The following RGS3 variants were observed in gnomAD, a reference collection of about 807,000 sequenced individuals.
RGS3 encodes regulator of G-protein signalling 3.
RGS3 carries 80 observed loss-of-function variants against 132.6 expected under a neutral mutation model. The observed-to-expected ratio is 0.60, with a 90% CI of 0.50 to 0.73. The LOEUF (loss-of-function observed/expected upper bound fraction) is 0.73. RGS3 is among the 30% of genes least tolerant of loss of function. RGS3 has a pLI of 0.00. For synonymous variants in RGS3, 598 were observed against 620.6 expected (o/e 0.96, Z 0.54); for missense variants, 1,382 against 1,530.8 (o/e 0.90, Z 1.62).
At chr9:113,517,612 C>T in exon 16 of RGS3, 7 of 1,613,570 alleles carry the variant, frequency 4.3e-6, no homozygotes, top group Non-Finnish European at 5.9e-6. Flanking sequence ...AAGGGAGGAA[C>T]AAGGCTGCCG....
At chr9:113,500,575 G>A (rs1010160253) in intron 10 of RGS3, among the ~76,000 whole-genome samples, 4 of 152,098 alleles carry the variant, frequency 2.6e-5, no homozygotes, top group Admixed American at 1.3e-4. Flanking sequence ...AGATGAGGAC[G>A]CTGGGTTGTC....
At chr9:113,592,782 C>G (rs1166997572) in intron 21 of RGS3, 1 of 152,214 alleles carries the variant, frequency 6.6e-6, no homozygotes, top group Non-Finnish European at 1.5e-5. Flanking sequence ...GCCACCATGC[C>G]TGGCCTCTGA....
rs1042130028 is a variant in RGS3 at position 113,579,626 on chromosome 9, T to G, written c.2038-3824T>G. 6.6e-6 allele frequency among the ~76,000 whole-genome samples: 1 copy of G among 152,184 alleles called. No individual in the cohort carries two copies. The highest frequency in any genetic ancestry group is 1.5e-5 in the Non-Finnish European group (1 of 68,022). ...GCTGGATTCTTGTTACTTCAGCTGT[T>G]GCAACAGCTGTCTCACTGGGTCCCC... is the stretch of plus-strand genomic sequence containing the variant. On this transcript the variant is annotated intron_variant, in intron 19 of 24. Transcript: ENST00000350696. This position sits in a 1 kb window ranked among gnomAD's most constrained non-coding sequence, Gnocchi z 4.3.
chr9:113,575,684 C>G, intron 19 of RGS3, among the ~76,000 whole-genome samples: 1 of 152,192 alleles, frequency 6.6e-6, no homozygotes, highest in East Asian at 1.9e-4. Flanking sequence ...ACGTAACAGA[C>G]AGTCACCTTG....
chr9:113,596,980 C>A, exon 25 of RGS3: 1 of 1,570,206 alleles, frequency 6.4e-7, no homozygotes, highest in Admixed American at 1.8e-5. Context: ...GCTCAGCGTT[C>A]ACACCAGGCG....
At chr9:113,516,367 T>A (rs2119376525) in intron 15 of RGS3, among the ~76,000 whole-genome samples, 1 of 152,102 alleles carries the variant, frequency 6.6e-6, no homozygotes, top group Admixed American at 6.5e-5. Context: ...TTTTCTTTTT[T>A]TTTTTTTGAG....
At chr9:113,569,140 C>T (rs771721475) in intron 19 of RGS3, among the ~76,000 whole-genome samples, 5 of 152,190 alleles carry the variant, frequency 3.3e-5, no homozygotes, top group African/African-American at 1.2e-4. Flanking sequence ...GAACTGTCAG[C>T]GGCTCCCAAC....
At chr9:113,500,063 A>G (rs572693209) in intron 10 of RGS3, among the ~76,000 whole-genome samples, 2 of 152,022 alleles carry the variant, frequency 1.3e-5, no homozygotes, top group Admixed American at 6.5e-5. Context: ...GCTTCCTCCA[A>G]CATCACAGGT....
intron 19 of RGS3, among the ~76,000 whole-genome samples, chr9:113,539,317 C>T (rs1163536670): frequency 2.0e-5 from 3 of 152,132 alleles, no homozygotes; most frequent in Non-Finnish European, 2.9e-5. Flanking sequence ...CCTGCTGGAC[C>T]GATTTGCTCT....
intron 19 of RGS3, among the ~76,000 whole-genome samples, chr9:113,576,337 CTTTT>C (rs558156232): frequency 7.0e-6 from 1 of 142,404 alleles, no homozygotes; most frequent in Non-Finnish European, 1.5e-5. Context: ...ATTGTTCTTT[CTTTT>C]TTTTTTTTTG....
chr9:113,465,089 T>A (rs1044301820), intron 3 of RGS3, among the ~76,000 whole-genome samples: 1 of 152,070 alleles, frequency 6.6e-6, no homozygotes, highest in Non-Finnish European at 1.5e-5. Flanking sequence ...GTGTTTTACC[T>A]GCATTATCTC....
chr9:113,566,010 A>G (rs1833992586), intron 19 of RGS3, among the ~76,000 whole-genome samples: 1 of 151,942 alleles, frequency 6.6e-6, no homozygotes, highest in Non-Finnish European at 1.5e-5. Context: ...CTGGACAGCC[A>G]GCTTTTCTTT....
At chr9:113,460,039 CAA>C (rs879005762), upstream of RGS3, among the ~76,000 whole-genome samples, 29 of 112,112 alleles carry the variant, frequency 2.6e-4, no homozygotes, top group African/African-American at 2.3e-4. Context: ...GAAACTCTCT[CAA>C]AAAAAAAAAA....
chr9:113,562,202 C>A (rs577886812), intron 19 of RGS3, among the ~76,000 whole-genome samples: 24 of 152,252 alleles, frequency 1.6e-4, no homozygotes, highest in Non-Finnish European at 8.8e-5. Flanking sequence ...TGAGGCTGGG[C>A]ACGTGGCTCT....
chr9:113,455,752 C>T (rs1418072776), upstream of RGS3, among the ~76,000 whole-genome samples: 1 of 152,304 alleles, frequency 6.6e-6, no homozygotes, highest in East Asian at 1.9e-4. Flanking sequence ...AAAGATACCA[C>T]CTTGTTCTAC....
At chr9:113,536,516 C>G in intron 18 of RGS3, 1 of 1,185,232 alleles carries the variant, frequency 8.4e-7, no homozygotes, top group Non-Finnish European at 1.1e-6. Flanking sequence ...CGGCTCTGTC[C>G]TGCTCTCCAC....
At chr9:113,499,770 G>A (rs911539461) in intron 10 of RGS3, among the ~76,000 whole-genome samples, 3 of 152,232 alleles carry the variant, frequency 2.0e-5, no homozygotes, top group South Asian at 2.1e-4. Context: ...TTAGTGGCTA[G>A]TGTGACTGGG....
chr9:113,556,685 A>C (rs538225232), intron 19 of RGS3, among the ~76,000 whole-genome samples: 1 of 152,162 alleles, frequency 6.6e-6, no homozygotes, highest in South Asian at 2.1e-4. Flanking sequence ...AGCACTCTGT[A>C]GTGACAATGT....
intron 7 of RGS3, among the ~76,000 whole-genome samples, chr9:113,493,961 A>G (rs1185798676): frequency 6.6e-6 from 1 of 152,174 alleles, no homozygotes; most frequent in Non-Finnish European, 1.5e-5. Flanking sequence ...TGTGCCTTCC[A>G]TAGGACATGC....
Sources: allele counts gnomAD v4.1 joint callset (sites outside exome capture counted in the v4.1 genomes callset), GRCh38; gene constraint gnomAD v4.1.1; non-coding constraint Gnocchi (gnomAD v3.1); transcripts MANE v1.5; gene names NCBI Gene and HGNC (gene_info 2026-07-23, HGNC 2026-07-21).